SLC36A3: variants seen among roughly 807,000 people sequenced by gnomAD.
SLC36A3 encodes proton-coupled amino acid transporter 3.
Under a neutral mutation model 44.3 loss-of-function variants are expected in SLC36A3, and 35 were observed. That is an observed-to-expected ratio of 0.79 (90% confidence interval 0.60 to 1.05). The LOEUF (loss-of-function observed/expected upper bound fraction) is 1.05, where lower values mean the gene tolerates loss of function less well. Ranked by LOEUF, SLC36A3 falls within the 50% of genes least tolerant of loss-of-function variation. The pLI, the probability that SLC36A3 is intolerant of heterozygous loss-of-function variation, is 0.00. For synonymous variants in SLC36A3, 211 were observed against 227.6 expected, an observed-to-expected ratio of 0.93 and a Z score of 0.66; for missense variants, 540 against 578.7, an observed-to-expected ratio of 0.93 and a Z score of 0.69.
intron 4 of SLC36A3, among the ~76,000 whole-genome samples, chr5:151,292,602 G>T (rs1754800752): frequency 6.6e-6 from 1 of 152,204 alleles, no homozygotes; most frequent in Non-Finnish European, 1.5e-5. Context: ...TTTTATCAAG[G>T]CAGGGAACAA....
chr5:151,276,832 CAGTT>C lies in SLC36A3; in HGVS notation c.*557_*560del, dbSNP rs1169845899. On this transcript the variant is annotated 3_prime_UTR_variant, in exon 10 of 10. Transcript: ENST00000335230. ...CAGAGTTGACAGAGTCCTTAATAAT[CAGTT>C]AGTCCAACTGTTCACTTCATAGACT... 1 of 153,544 alleles carries C rather than the reference CAGTT, an allele frequency of 6.5e-6. No homozygotes were observed. The highest frequency in any genetic ancestry group is 1.5e-5 in the Non-Finnish European group (1 of 68,950). 9.5% of individuals were successfully genotyped at this position (153,544 alleles called of 1,614,324 possible).
chr5:151,293,114 A>G (rs1754819314), intron 4 of SLC36A3, among the ~76,000 whole-genome samples: 1 of 152,234 alleles, frequency 6.6e-6, no homozygotes, highest in South Asian at 2.1e-4. Flanking sequence ...CAAATTATGT[A>G]CTTCCATTCA....
chr5:151,287,424 G>A lies in SLC36A3; in HGVS notation c.530C>T (p.Pro177Leu). 1.2e-6 allele frequency: 2 copies of A among 1,614,062 alleles called. No individual in the cohort carries two copies. The highest frequency in any genetic ancestry group is 8.5e-7 in the Non-Finnish European group (1 of 1,179,964). Residue 177 changes from proline (P) to leucine (L), a missense_variant, in exon 6 of 10, where the codon CCC becomes CTC. Coordinates refer to ENST00000335230, the MANE Select transcript of SLC36A3 (RefSeq NM_181774.4). ...KAHVTSNICQ[P>L]REILTLTPIL... Reference sequence around the variant, plus strand: ...GGGGGTCAGCGTCAGAATCTCCCTGGGCTGGCAGATGTTGGAGGTCACGTG... The same window carrying A: ...GGGGGTCAGCGTCAGAATCTCCCTGAGCTGGCAGATGTTGGAGGTCACGTG...
intron 4 of SLC36A3, among the ~76,000 whole-genome samples, chr5:151,289,302 T>C (rs1439621721): frequency 1.3e-5 from 2 of 152,146 alleles, no homozygotes; most frequent in Non-Finnish European, 2.9e-5. Flanking sequence ...GTTAGTATTA[T>C]CCCAATTCTC....
rs1754146759 is a variant in SLC36A3 at position 151,277,658 on chromosome 5, A to AT, written c.1147_1148insA (p.Val383AspfsTer40). ...CAGGCGGGGGATGAGGATGGCTGAGACACCTGCAATGAAAGGAGATATTTA... is the reference window on the plus strand; with the variant it reads ...CAGGCGGGGGATGAGGATGGCTGAGATCACCTGCAATGAAAGGAGATATTTA... On this transcript the variant is annotated frameshift_variant, in exon 10 of 10. Transcript: ENST00000335230. LOFTEE classifies it high-confidence loss of function. 4 of 1,613,570 alleles carry AT rather than the reference A, an allele frequency of 2.5e-6. No individual in the cohort carries two copies. The highest frequency in any genetic ancestry group is 2.5e-6 in the Non-Finnish European group (3 of 1,179,782).
At chr5:151,283,059 A>AT (rs1359596388) in intron 8 of SLC36A3, among the ~76,000 whole-genome samples, 2 of 151,548 alleles carry the variant, frequency 1.3e-5, no homozygotes, top group East Asian at 1.9e-4. Flanking sequence ...TAATTTTGAT[A>AT]TTTTTTAGCA....
At chr5:151,289,888 G>C (rs908219312) in intron 4 of SLC36A3, among the ~76,000 whole-genome samples, 2 of 152,088 alleles carry the variant, frequency 1.3e-5, no homozygotes, top group Non-Finnish European at 2.9e-5. Context: ...TAATCTGTGG[G>C]GTAAAACTTT....
In SLC36A3 at chr5:151,276,845, T is replaced by A. The variant is rs1353763777; in HGVS notation, c.*548A>T. The A allele has an allele frequency of 6.5e-6, 1 of 154,402 alleles. No homozygotes were observed. Among genetic ancestry groups the A allele is most frequent in the Non-Finnish European group, 1.4e-5 (1 of 69,422 alleles). The allele number at this position is 154,402 out of a possible 1,614,324, so 9.6% of individuals were successfully genotyped here. On this transcript the variant is annotated 3_prime_UTR_variant, in exon 10 of 10. Transcript: ENST00000335230. ...GTCCTTAATAATCAGTTAGTCCAAC[T>A]GTTCACTTCATAGACTGAGAGATGG...
Position 151,303,333 on chromosome 5 carries a change from A to G in SLC36A3, c.22T>C (p.Tyr8His). 3.7e-6 allele frequency: 6 copies of G among 1,613,868 alleles called. No individual in the cohort carries two copies. The highest frequency in any genetic ancestry group is 5.1e-6 in the Non-Finnish European group (6 of 1,179,834). The change falls in exon 1 of 10, where the codon TAC becomes CAC. Residue 8 changes from tyrosine to histidine, a missense_variant. Tyr to His is a moderately conservative substitution (Grantham distance 83). Coordinates refer to ENST00000335230, the MANE Select transcript of SLC36A3 (RefSeq NM_181774.4). MSLLGRD[Y>H]NSELNSLDNG... ...TCCAAGGAGTTCAGCTCACTGTTGT[A>G]GTCCCTTCCAAGCAATGACATCTTC... is the stretch of plus-strand genomic sequence containing the variant.
chr5:151,278,326 C>T (rs374386784), intron 9 of SLC36A3, among the ~76,000 whole-genome samples: 181 of 152,314 alleles, frequency 1.2e-3, no homozygotes, highest in African/African-American at 4.1e-3. Flanking sequence ...TCTTCACACT[C>T]CTAAAATTCC....
chr5:151,282,119 T>G (rs1272206900), intron 8 of SLC36A3, among the ~76,000 whole-genome samples: 2 of 139,804 alleles, frequency 1.4e-5, no homozygotes, highest in Non-Finnish European at 3.1e-5. Flanking sequence ...TTGTTTTTTT[T>G]TTTTTTTTTT....
At chr5:151,279,304 G>A (rs1754222518) in intron 9 of SLC36A3, among the ~76,000 whole-genome samples, 1 of 151,340 alleles carries the variant, frequency 6.6e-6, no homozygotes, top group Admixed American at 6.6e-5. Context: ...AACAATCATT[G>A]CAATGCACTG....
chr5:151,290,633 C>T (rs10067790), intron 4 of SLC36A3, among the ~76,000 whole-genome samples: 5,584 of 152,234 alleles, frequency 0.037, 347 homozygotes, highest in African/African-American at 0.13. Context: ...CAGTGGCTCA[C>T]GCCTGTAATC....
intron 1 of SLC36A3, among the ~76,000 whole-genome samples, chr5:151,299,262 CTCTATATATA>C (rs1299325011): frequency 9.6e-4 from 62 of 64,442 alleles, no homozygotes; most frequent in African/African-American, 3.1e-3. Flanking sequence ...CTCTCTCTCT[CTCTATATATA>C]TATATATATA....
Position 151,303,466 on chromosome 5 carries a change from A to G in SLC36A3, c.-112T>C. ...TGCTGACCTGAGATGCTGGCTCCTA[A>G]CCCCAAGGATGCGTGCTGCTGGCTG... On this transcript the variant is annotated 5_prime_UTR_variant, in exon 1 of 10. Coordinates refer to ENST00000335230, the MANE Select transcript of SLC36A3 (RefSeq NM_181774.4). The G allele has an allele frequency of 8.2e-7, 1 of 1,215,870 alleles. No individual in the cohort carries two copies. The highest frequency in any genetic ancestry group is 1.1e-6 in the Non-Finnish European group (1 of 870,046). The allele number at this position is 1,215,870 out of a possible 1,614,324, so 75.3% of individuals were successfully genotyped here.
intron 2 of SLC36A3, 140 bp downstream of exon 2, chr5:151,298,453 G>T: frequency 1.3e-6 from 1 of 773,944 alleles, no homozygotes; most frequent in Non-Finnish European, 2.1e-6. Flanking sequence ...GACTCCAGGG[G>T]ATTGATGCCA....
intron 1 of SLC36A3, among the ~76,000 whole-genome samples, chr5:151,301,113 A>G (rs1755153410): frequency 1.3e-5 from 2 of 152,232 alleles, no homozygotes; most frequent in Non-Finnish European, 2.9e-5. Context: ...ATCAGACCTA[A>G]CCAACTCCAT....
At position 151,287,447 on chromosome 5, in the gene SLC36A3, G is replaced by A. The variant is rs764624103; in HGVS notation, c.507C>T (p.His169=). The stretch of plus-strand genomic sequence containing the variant: ...TGGGCTGGCAGATGTTGGAGGTCAC[G>A]TGGGCTTTTTCCACCATCTGACATA... ...DNLQQMVEKA[H]VTSNICQPRE... The change falls in exon 6 of 10, where the codon CAC becomes CAT. Residue 169 remains histidine, a synonymous_variant. Transcript: ENST00000335230. The A allele has an allele frequency of 1.8e-5, 29 of 1,614,024 alleles. No individual in the cohort carries two copies. The highest frequency in any genetic ancestry group is 2.4e-5 in the Non-Finnish European group (28 of 1,180,016).
intron 4 of SLC36A3, among the ~76,000 whole-genome samples, chr5:151,290,812 A>G (rs890379077): frequency 6.6e-6 from 1 of 151,918 alleles, no homozygotes; most frequent in Non-Finnish European, 1.5e-5. Context: ...GGAGAATGGC[A>G]TGAACCCGGG....
Sources: allele counts gnomAD v4.1 joint callset (sites outside exome capture counted in the v4.1 genomes callset), GRCh38; gene constraint gnomAD v4.1.1; transcripts MANE v1.5; gene names NCBI Gene and HGNC (gene_info 2026-07-23, HGNC 2026-07-21).